Variants in OSBPL3 observed in about 807,000 individuals in gnomAD.
OSBPL3 encodes oxysterol binding protein like 3.
A neutral mutation model predicts 120.1 loss-of-function variants in OSBPL3; 65 were observed. That is an observed-to-expected ratio of 0.54 (90% CI 0.44 to 0.67). OSBPL3 has a LOEUF of 0.67. OSBPL3 is among the 30% of genes least tolerant of loss of function. The pLI is 0.00. For synonymous variants in OSBPL3, 416 were observed against 402.6 expected (o/e 1.03, Z -0.40); for missense variants, 1,004 against 1,082.1 (o/e 0.93, Z 1.01).
intron 1 of OSBPL3, among the ~76,000 whole-genome samples, chr7:24,950,721 C>CA (rs1156376567): frequency 2.6e-5 from 4 of 151,992 alleles, no homozygotes; most frequent in Admixed American, 1.3e-4. Context: ...GACTCCGTCT[C>CA]AAAAAACAAA....
chr7:24,885,009 T>C (rs1804282917), intron 2 of OSBPL3, among the ~76,000 whole-genome samples: 1 of 151,874 alleles, frequency 6.6e-6, no homozygotes, highest in Non-Finnish European at 1.5e-5. Context: ...TGGGGCCAGG[T>C]GTGATGGCTC....
In OSBPL3 at chr7:24,862,479, G is replaced by A. The variant is rs867802142; in HGVS notation, c.871-710C>T. On this transcript the variant is annotated intron_variant, in intron 9 of 22. Transcript: ENST00000313367. The surrounding 1 kb of genome is among the most constrained non-coding windows in gnomAD (Gnocchi z 4.4). Reference sequence around the variant, plus strand: ...CACCTAGGGCTTCTACAAAACAAATGACCTTCATTTGTACATGGAACATTC... The same window carrying A: ...CACCTAGGGCTTCTACAAAACAAATAACCTTCATTTGTACATGGAACATTC... 1.2e-4 allele frequency among the ~76,000 whole-genome samples: 19 copies of A among 152,258 alleles called. No individual in the cohort carries two copies. Among genetic ancestry groups the A allele is most frequent in the Middle Eastern group, 6.8e-3 (2 of 294 alleles).
At position 24,852,543 on chromosome 7, in the gene OSBPL3, C is replaced by A. The variant is rs570720336; in HGVS notation, c.1119G>T (p.Pro373=). 3.1e-6 allele frequency: 5 copies of A among 1,604,940 alleles called. No individual in the cohort carries two copies. The highest frequency in any genetic ancestry group is 4.2e-6 in the Non-Finnish European group (5 of 1,177,806). Residue 373 remains proline, a synonymous_variant, in exon 11 of 23, where the codon CCG becomes CCT. Coordinates refer to ENST00000313367, the MANE Select transcript of OSBPL3 (RefSeq NM_015550.4). The surrounding 1 kb of genome is among the most constrained non-coding windows in gnomAD (Gnocchi z 4.1). Reference sequence around the variant, plus strand: ...TCTTCAGACCAATGACCTGAGCAGACGGGGAGGAGGAGGCATCCTGCTCCA... The same window carrying A: ...TCTTCAGACCAATGACCTGAGCAGAAGGGGAGGAGGAGGCATCCTGCTCCA... The part of the protein sequence containing the change: ...QLMEQDASSS[P]SAQVIGLKNA...
intron 1 of OSBPL3, among the ~76,000 whole-genome samples, chr7:24,935,121 C>A (rs766716599): frequency 2.0e-5 from 3 of 151,942 alleles, no homozygotes; most frequent in Non-Finnish European, 4.4e-5. Context: ...TACATAATAA[C>A]CTATAAGACA....
At chr7:24,902,414 C>G (rs1182403213) in intron 1 of OSBPL3, among the ~76,000 whole-genome samples, 1 of 152,092 alleles carries the variant, frequency 6.6e-6, no homozygotes, top group Middle Eastern at 3.2e-3. Context: ...CACAAAAACA[C>G]ACATTCTGTT....
Position 24,881,194 on chromosome 7 carries a change from A to C in OSBPL3, c.97-9125T>G, listed in dbSNP as rs1803636395. 6.6e-6 allele frequency among the ~76,000 whole-genome samples: 1 copy of C among 152,212 alleles called. No homozygotes were observed. The highest frequency in any genetic ancestry group is 2.4e-5 in the African/African-American group (1 of 41,462). ...CACATGCATGACTTAGAATCACAGG[A>C]GTAGGTGGCAGAAGTTTAGCACAAT... On this transcript the variant is annotated intron_variant, in intron 2 of 22. Transcript: ENST00000313367. This position sits in a 1 kb window ranked among gnomAD's most constrained non-coding sequence, Gnocchi z 4.3.
rs566553507 is a variant in OSBPL3 at position 24,821,063 on chromosome 7, T to C, written c.1885-825A>G. Among the ~76,000 whole-genome samples, 2 of 152,254 alleles carry C rather than the reference T, an allele frequency of 1.3e-5. No homozygotes were observed. Among genetic ancestry groups the C allele is most frequent in the East Asian group, 3.9e-4 (2 of 5,180 alleles). On this transcript the variant is annotated intron_variant, in intron 16 of 22. Transcript: ENST00000313367. This position sits in a 1 kb window ranked among gnomAD's most constrained non-coding sequence, Gnocchi z 5.5. Reference sequence around the variant, plus strand: ...TCATCTCAGTCACACTCAGGGAACGTTGAGAGGTGTATATGCTGTCATTCT... The same window carrying C: ...TCATCTCAGTCACACTCAGGGAACGCTGAGAGGTGTATATGCTGTCATTCT...
rs1794612803 is a variant in OSBPL3 at position 24,817,464 on chromosome 7, C to A, written c.1949-776G>T. Among the ~76,000 whole-genome samples, 1 of 152,146 alleles carries A rather than the reference C, an allele frequency of 6.6e-6. No homozygotes were observed. Among genetic ancestry groups the A allele is most frequent in the South Asian group, 2.1e-4 (1 of 4,828 alleles). On this transcript the variant is annotated intron_variant, in intron 17 of 22. Coordinates refer to ENST00000313367, the MANE Select transcript of OSBPL3 (RefSeq NM_015550.4). The surrounding 1 kb of genome is among the most constrained non-coding windows in gnomAD (Gnocchi z 4.0). ...GAGGTTGCAGTGAGCCAAGATCATG[C>A]CATTGCACTCCAGCCTGGGTGATGG...
chr7:24,835,010 A>G lies in OSBPL3; in HGVS notation c.1496-274T>C, dbSNP rs1340825403. ...CTCATAGCTCATACACACTTAGAAT[A>G]AAACTGGAAATTGGATTTCTATGCC... On this transcript the variant is annotated intron_variant, in intron 14 of 22. Transcript: ENST00000313367. This position sits in a 1 kb window ranked among gnomAD's most constrained non-coding sequence, Gnocchi z 4.8. Among the ~76,000 whole-genome samples the G allele has an allele frequency of 2.0e-5, 3 of 152,230 alleles. No individual in the cohort carries two copies. The highest frequency in any genetic ancestry group is 1.3e-4 in the Admixed American group (2 of 15,286).
At chr7:24,920,253 A>G (rs1810229481) in intron 1 of OSBPL3, among the ~76,000 whole-genome samples, 1 of 152,230 alleles carries the variant, frequency 6.6e-6, no homozygotes, top group African/African-American at 2.4e-5. Context: ...ATATCTACTA[A>G]CTGAATACAT....
At chr7:24,889,415 T>C (rs1805000880) in intron 2 of OSBPL3, among the ~76,000 whole-genome samples, 1 of 152,124 alleles carries the variant, frequency 6.6e-6, no homozygotes, top group Non-Finnish European at 1.5e-5. Context: ...TCACTTGAAA[T>C]TGGCTATAAA....
chr7:24,904,118 A>G (rs895353694), intron 1 of OSBPL3, among the ~76,000 whole-genome samples: 2 of 152,054 alleles, frequency 1.3e-5, no homozygotes, highest in African/African-American at 4.8e-5. Flanking sequence ...CCTGACCTCA[A>G]GTGATCCATC....
chr7:24,842,128 G>T, intron 13 of OSBPL3, 151 bp downstream of exon 13: 2 of 721,708 alleles, frequency 2.8e-6, no homozygotes, highest in Non-Finnish European at 4.6e-6. Context: ...ATACTTTTTG[G>T]GTATGAGTTA....
In OSBPL3 at chr7:24,808,307, G is replaced by T. The variant is rs1205065766; in HGVS notation, c.2318-1405C>A. ...AAAGTTTCCTATGGTGTCTTGGTCAGCTCCCCAGTAACCAGGGAGTGAAGA... is the reference window on the plus strand; with the variant it reads ...AAAGTTTCCTATGGTGTCTTGGTCATCTCCCCAGTAACCAGGGAGTGAAGA... On this transcript the variant is annotated intron_variant, in intron 20 of 22. Coordinates refer to ENST00000313367, the MANE Select transcript of OSBPL3 (RefSeq NM_015550.4). This position sits in a 1 kb window ranked among gnomAD's most constrained non-coding sequence, Gnocchi z 4.6. 2.0e-5 allele frequency among the ~76,000 whole-genome samples: 3 copies of T among 152,166 alleles called. No homozygotes were observed. Among genetic ancestry groups the T allele is most frequent in the Non-Finnish European group, 4.4e-5 (3 of 68,044 alleles).
intron 1 of OSBPL3, among the ~76,000 whole-genome samples, 191 bp from the exon 2 acceptor site, chr7:24,892,812 T>G (rs964765460): frequency 6.6e-6 from 1 of 152,198 alleles, no homozygotes; most frequent in African/African-American, 2.4e-5. Flanking sequence ...TGGTTTTTCA[T>G]GTAGCTTTGC....
At chr7:24,904,908 A>G (rs1232050961) in intron 1 of OSBPL3, among the ~76,000 whole-genome samples, 1 of 138,864 alleles carries the variant, frequency 7.2e-6, no homozygotes, top group Non-Finnish European at 1.6e-5. Context: ...TGTTCTGATC[A>G]TAATATACAG....
rs1185738082 is a variant in OSBPL3, at chr7:24,922,178, CATT to C, written c.-149-29560_-149-29558del. Among the ~76,000 whole-genome samples, 4 of 152,186 alleles carry C rather than the reference CATT, an allele frequency of 2.6e-5. No homozygotes were observed. Among genetic ancestry groups the C allele is most frequent in the African/African-American group, 9.7e-5 (4 of 41,434 alleles). On this transcript the variant is annotated intron_variant, in intron 1 of 22. Transcript: ENST00000313367. The surrounding 1 kb of genome is among the most constrained non-coding windows in gnomAD (Gnocchi z 4.3). ...AGGATTGGCCTGGCCTCAGAAAAGA[CATT>C]ATTTAGGTGAGAAACAGAAAATAGA...
chr7:24,888,389 A>C (rs1256781905), intron 2 of OSBPL3, among the ~76,000 whole-genome samples: 3 of 152,222 alleles, frequency 2.0e-5, no homozygotes, highest in Non-Finnish European at 4.4e-5. Flanking sequence ...TGGAGAGTTT[A>C]AGGTCACAGA....
In OSBPL3 at chr7:24,939,499, T is replaced by C. The variant is rs1439478456; in HGVS notation, c.-150+40387A>G. Among the ~76,000 whole-genome samples, 1 of 152,202 alleles carries C rather than the reference T, an allele frequency of 6.6e-6. No homozygotes were observed. Among genetic ancestry groups the C allele is most frequent in the Non-Finnish European group, 1.5e-5 (1 of 68,032 alleles). ...GGCCAATGGAACTCTAGGGAAAGTT[T>C]GGGAAACAAAAAGTTAACATGTTGC... On this transcript the variant is annotated intron_variant, in intron 1 of 22. Coordinates refer to ENST00000313367, the MANE Select transcript of OSBPL3 (RefSeq NM_015550.4). This position sits in a 1 kb window ranked among gnomAD's most constrained non-coding sequence, Gnocchi z 4.2.
Sources: gnomAD v4.1 joint callset for allele counts (sites outside exome capture counted in the v4.1 genomes callset) on GRCh38, gnomAD v4.1.1 for gene constraint, Gnocchi (gnomAD v3.1) non-coding constraint, MANE v1.5 for transcripts, NCBI Gene and HGNC (gene_info 2026-07-23, HGNC 2026-07-21) for gene names.